The following PTCD2 variants were observed in gnomAD, a reference collection of about 807,000 sequenced individuals.
PTCD2 encodes pentatricopeptide repeat domain 2.
A neutral mutation model predicts 42.6 loss-of-function variants in PTCD2; 31 were observed. The ratio of observed to expected loss-of-function variants is 0.73; its 90% CI spans 0.55 to 0.98. The LOEUF (loss-of-function observed/expected upper bound fraction) is 0.98. Ranked by LOEUF, PTCD2 falls within the 50% of genes least tolerant of loss-of-function variation. PTCD2 has a pLI of 0.00. For synonymous variants in PTCD2, 183 were observed against 170.9 expected, an observed-to-expected ratio of 1.07 and a Z score of -0.55; for missense variants, 476 against 454.8, an observed-to-expected ratio of 1.05 and a Z score of -0.42.
At chr5:72,353,148 A>C (rs184448946) in intron 9 of PTCD2, among the ~76,000 whole-genome samples, 1 of 152,212 alleles carries the variant, frequency 6.6e-6, no homozygotes, top group Non-Finnish European at 1.5e-5. Context: ...TCAGAAAAGC[A>C]TGACTGCTAC....
intron 9 of PTCD2, among the ~76,000 whole-genome samples, chr5:72,353,563 G>C (rs1200579824): frequency 2.0e-5 from 3 of 152,180 alleles, no homozygotes; most frequent in African/African-American, 7.2e-5. Context: ...GAAAAACCCT[G>C]TGAAAGAGGG....
At position 72,344,623 on chromosome 5, in the gene PTCD2, G is replaced by A. The variant is rs1354498582; in HGVS notation, c.828+1587G>A. On this transcript the variant is annotated intron_variant, in intron 8 of 9. Transcript: ENST00000380639. Reference sequence around the variant, plus strand: ...TTTCCTTTGATCTGAAACAGTAATAGTTATTGGGGGAACCTGCCCCCAATA... The same window carrying A: ...TTTCCTTTGATCTGAAACAGTAATAATTATTGGGGGAACCTGCCCCCAATA... 2.6e-5 allele frequency among the ~76,000 whole-genome samples: 4 copies of A among 152,254 alleles called. No homozygotes were observed. In the East Asian group the frequency reaches 7.7e-4, roughly 29 times the overall value.
intron 8 of PTCD2, among the ~76,000 whole-genome samples, chr5:72,344,532 G>A (rs1752251256): frequency 6.6e-6 from 1 of 152,008 alleles, no homozygotes; most frequent in Non-Finnish European, 1.5e-5. Flanking sequence ...AATATGAACT[G>A]TGAATTGTAA....
chr5:72,347,051 A>C (rs1752393486), intron 8 of PTCD2, among the ~76,000 whole-genome samples: 1 of 152,212 alleles, frequency 6.6e-6, no homozygotes, highest in South Asian at 2.1e-4. Context: ...ATACAACTCT[A>C]TCAAAACAAT....
chr5:72,337,703 G>A (rs1328993251), intron 6 of PTCD2, among the ~76,000 whole-genome samples: 2 of 152,180 alleles, frequency 1.3e-5, no homozygotes, highest in Non-Finnish European at 2.9e-5. Flanking sequence ...TGAGGCAGGA[G>A]AATCGTTTGA....
At chr5:72,353,646 A>G (rs1383132204) in intron 9 of PTCD2, among the ~76,000 whole-genome samples, 1 of 152,212 alleles carries the variant, frequency 6.6e-6, no homozygotes, top group Admixed American at 6.5e-5. Flanking sequence ...GTGGCTTAGG[A>G]CATGAATAGG....
chr5:72,329,600 A>G (rs1751325238), intron 3 of PTCD2, among the ~76,000 whole-genome samples: 1 of 152,164 alleles, frequency 6.6e-6, no homozygotes, highest in Non-Finnish European at 1.5e-5. Flanking sequence ...GAGAATATTT[A>G]CTGAAATATG....
chr5:72,333,862 G>T (rs879324459), intron 4 of PTCD2, among the ~76,000 whole-genome samples: 5 of 151,662 alleles, frequency 3.3e-5, no homozygotes, highest in Admixed American at 6.6e-5. Context: ...GTTTTTTGGG[G>T]TTTTTTTTGG....
rs1311155062 is a variant in PTCD2 at position 72,361,343 on chromosome 5, G to A, written c.*2916G>A. 6.6e-6 allele frequency: 1 copy of A among 152,162 alleles called. No individual in the cohort carries two copies. Among genetic ancestry groups the A allele is most frequent in the Non-Finnish European group, 1.5e-5 (1 of 68,042 alleles). 9.4% of individuals were successfully genotyped at this position (152,162 alleles called of 1,614,324 possible). A position where few individuals can be genotyped will look rare whatever the true frequency, so the allele number is the denominator to read the frequency against. ...CAGTTATAGTCATCATCAGATTGTG[G>A]CCGCGACTGGCATAATCTCAAAGGC... On this transcript the variant is annotated 3_prime_UTR_variant, in exon 10 of 10. Transcript: ENST00000380639.
rs1375012693 is a variant in PTCD2, at chr5:72,335,897, T to C, written c.639+12T>C. On this transcript the variant is annotated intron_variant, in intron 6 of 9. Transcript: ENST00000380639. ...TTTGCTACAAACTGGTAAGACTCTT[T>C]CCTCTTAACTTTGAGAGCATTGTGT... 1 of 1,535,382 alleles carries C rather than the reference T, an allele frequency of 6.5e-7. No homozygotes were observed. Among genetic ancestry groups the C allele is most frequent in the African/African-American group, 1.4e-5 (1 of 73,372 alleles).
At position 72,331,374 on chromosome 5, in the gene PTCD2, A is replaced by C; in HGVS notation, c.467A>C (p.Gln156Pro). 6.3e-7 allele frequency: 1 copy of C among 1,596,080 alleles called. No homozygotes were observed. The highest frequency in any genetic ancestry group is 8.6e-7 in the Non-Finnish European group (1 of 1,163,542). ...EESAVELMKD[Q>P]HLRGFFSDST... ...TCTGCAGTGGAGCTCATGAAAGACC[A>C]GGTTATTGTTTCCTAATTGTTTTCT... is the stretch of plus-strand genomic sequence containing the variant. The change falls in exon 4 of 10, where the codon CAG (glutamine) becomes CCG (proline). Residue 156 changes from glutamine to proline, a missense_variant and splice_region_variant. By Grantham distance (76) the Gln-to-Pro change is moderately conservative. Coordinates refer to ENST00000380639, the MANE Select transcript of PTCD2 (RefSeq NM_024754.5).
rs547822553 is a variant in PTCD2, at chr5:72,342,982, G to A, written c.774G>A (p.Val258=). ...ALNQNEMAKA[V]SIFSQIMNPE... ...TCTAGAATGAGATGGCAAAAGCTGT[G>A]TCCATTTTTTCTCAAATCATGAATC... Residue 258 remains valine, a synonymous_variant, in exon 8 of 10, where the codon GTG becomes GTA. Transcript: ENST00000380639. 5 of 1,598,884 alleles carry A rather than the reference G, an allele frequency of 3.1e-6. No individual in the cohort carries two copies. In the African/African-American group the frequency reaches 6.7e-5, roughly 21 times the overall value.
chr5:72,356,275 A>G (rs559826450), intron 9 of PTCD2, among the ~76,000 whole-genome samples: 18 of 152,344 alleles, frequency 1.2e-4, no homozygotes, highest in African/African-American at 4.3e-4. Context: ...ACCCATTTAT[A>G]TGGCTAAAGC....
intron 7 of PTCD2, among the ~76,000 whole-genome samples, chr5:72,342,629 A>C (rs79159268): frequency 0.017 from 2,626 of 152,142 alleles, 81 homozygotes; most frequent in African/African-American, 0.058. Context: ...TGAGGTTTCT[A>C]TGTTCTAATT....
At chr5:72,324,420 G>A (rs538707237) in intron 2 of PTCD2, among the ~76,000 whole-genome samples, 5 of 152,224 alleles carry the variant, frequency 3.3e-5, no homozygotes, top group Middle Eastern at 3.4e-3. Context: ...TTTCTAGGAC[G>A]GTTTCTGGTT....
At chr5:72,345,135 G>C (rs1164967426) in intron 8 of PTCD2, among the ~76,000 whole-genome samples, 2 of 152,266 alleles carry the variant, frequency 1.3e-5, no homozygotes, top group Middle Eastern at 6.8e-3. Flanking sequence ...ATAAAAGAAG[G>C]CTGCCCCCTG....
In PTCD2 at chr5:72,352,207, C is replaced by T. The variant is rs544449026; in HGVS notation, c.829-434C>T. 9.9e-5 allele frequency among the ~76,000 whole-genome samples: 15 copies of T among 152,114 alleles called. No homozygotes were observed. The East Asian group carries it at 2.9e-3, about 29-fold the overall frequency. On this transcript the variant is annotated intron_variant, in intron 8 of 9. Coordinates refer to ENST00000380639, the MANE Select transcript of PTCD2 (RefSeq NM_024754.5). The stretch of plus-strand genomic sequence containing the variant: ...TCTGTTGCCAGGCTGCAGTGCAGTG[C>T]CGCAATCTCGTCTCACTGCAACCTC...
chr5:72,320,420 C>G lies in PTCD2; in HGVS notation c.38C>G (p.Ser13Trp). The part of the protein sequence containing the change: ...RDSMAAAFRP[S>W]NRVLLQALQI... ...AGTATGGCTGCTGCATTTCGGCCCT[C>G]GAATCGAGTTCTCCTGCAGGCGCTG... The change falls in exon 1 of 10, where the codon TCG (serine) becomes TGG (tryptophan). Residue 13 changes from serine (S) to tryptophan (W), a missense_variant. Coordinates refer to ENST00000380639, the MANE Select transcript of PTCD2 (RefSeq NM_024754.5). 3 of 1,614,116 alleles carry G rather than the reference C, an allele frequency of 1.9e-6. No individual in the cohort carries two copies. The highest frequency in any genetic ancestry group is 2.5e-6 in the Non-Finnish European group (3 of 1,180,034).
intron 3 of PTCD2, among the ~76,000 whole-genome samples, chr5:72,329,569 A>T (rs1751323637): frequency 6.6e-6 from 1 of 152,094 alleles, no homozygotes; most frequent in African/African-American, 2.4e-5. Flanking sequence ...TTTTGCTTTT[A>T]ATCTGGCACA....
Sources: gnomAD v4.1 joint callset for allele counts (sites outside exome capture counted in the v4.1 genomes callset) on GRCh38, gnomAD v4.1.1 for gene constraint, MANE v1.5 for transcripts, NCBI Gene and HGNC (gene_info 2026-07-23, HGNC 2026-07-21) for gene names.